FAM13A: variants seen among roughly 807,000 people sequenced by gnomAD.
FAM13A encodes family with sequence similarity 13 member A, also known as protein FAM13A.
A neutral mutation model predicts 129.6 loss-of-function variants in FAM13A; 76 were observed. The observed-to-expected ratio is 0.59, with a 90% CI of 0.49 to 0.71. The LOEUF is 0.71. Among genes scored for constraint, FAM13A ranks in the 30% least tolerant of loss-of-function variants. The probability of loss-of-function intolerance (pLI) is 0.00; values close to 1 mark genes in which losing one functional copy is unlikely to be tolerated. For missense variants in FAM13A, 1,108 were observed against 1,249.3 expected (o/e 0.89, Z 1.70); for synonymous variants, 443 against 449.9 (o/e 0.98, Z 0.20).
intron 3 of FAM13A, among the ~76,000 whole-genome samples, chr4:89,004,139 T>G (rs561886458): frequency 1.3e-3 from 205 of 152,150 alleles, no homozygotes; most frequent in African/African-American, 4.7e-3. Flanking sequence ...TCTGCTGGTT[T>G]TTTCTTTTCT....
Position 88,762,278 on chromosome 4 carries a change from C to T in FAM13A, c.1579-3377G>A, listed in dbSNP as rs1349383519. ...GATGTGTCATATATAATGAGGCATT[C>T]GGTCATTCACATCATAGACCTGTGT... On this transcript the variant is annotated intron_variant, in intron 13 of 23. Transcript: ENST00000264344. Among the ~76,000 whole-genome samples the T allele has an allele frequency of 6.6e-5, 10 of 152,148 alleles. 1 individual carries two copies. The highest frequency in any genetic ancestry group is 6.2e-4 in the South Asian group (3 of 4,824).
chr4:88,869,840 C>T (rs146186515), intron 6 of FAM13A, among the ~76,000 whole-genome samples: 1 of 152,258 alleles, frequency 6.6e-6, no homozygotes, highest in East Asian at 1.9e-4. Flanking sequence ...TCAAAACAGA[C>T]ATGACTGCAT....
rs369276241 is a variant in FAM13A at position 88,902,556 on chromosome 4, A to G, written c.843+3823T>C. Among the ~76,000 whole-genome samples, 21 of 152,306 alleles carry G rather than the reference A, an allele frequency of 1.4e-4. No homozygotes were observed. In the East Asian group the frequency reaches 3.9e-3, roughly 28 times the overall value. On this transcript the variant is annotated intron_variant, in intron 6 of 23. Transcript: ENST00000264344. Reference sequence around the variant, plus strand: ...CAGAAGGGGCCTTTGATAAAATTCAACATACTTCATGTTAAAAACTTTGAA... The same window carrying G: ...CAGAAGGGGCCTTTGATAAAATTCAGCATACTTCATGTTAAAAACTTTGAA...
intron 6 of FAM13A, among the ~76,000 whole-genome samples, chr4:88,857,169 T>G (rs553693900): frequency 2.6e-5 from 4 of 152,318 alleles, no homozygotes; most frequent in African/African-American, 9.6e-5. Context: ...ATGCTTATCT[T>G]TTTTTGTAAT....
At chr4:88,998,181 C>G (rs1250262695) in intron 3 of FAM13A, among the ~76,000 whole-genome samples, 1 of 152,104 alleles carries the variant, frequency 6.6e-6, no homozygotes, top group African/African-American at 2.4e-5. Context: ...CCAGTTGAGC[C>G]CACACACTTC....
At position 88,750,450 on chromosome 4, in the gene FAM13A, G is replaced by T. The variant is rs749148973; in HGVS notation, c.1914C>A (p.Ser638=). ...QYLDDTEVPP[S]PPNSHSFMRR... is the part of the protein sequence containing the mutation. ...TCATGAAAGAATGGGAGTTTGGTGG[G>T]GAAGGAGGCACTTCTGTGTCATCCA... Residue 638 remains serine (S), a synonymous_variant, in exon 15 of 24, where the codon TCC becomes TCA. Coordinates refer to ENST00000264344, the MANE Select transcript of FAM13A (RefSeq NM_014883.4). 2.3e-5 allele frequency: 37 copies of T among 1,613,930 alleles called. No homozygotes were observed. The highest frequency in any genetic ancestry group is 2.9e-5 in the Non-Finnish European group (34 of 1,179,942).
At chr4:88,781,838 TGTG>T (rs1722941274) in intron 10 of FAM13A, among the ~76,000 whole-genome samples, 1 of 149,136 alleles carries the variant, frequency 6.7e-6, no homozygotes, top group African/African-American at 2.4e-5. Flanking sequence ...CGGAGACTGT[TGTG>T]GGGTGGGGGG....
chr4:89,050,942 C>T (rs1771514114), intron 1 of FAM13A, among the ~76,000 whole-genome samples: 1 of 151,916 alleles, frequency 6.6e-6, no homozygotes, highest in Non-Finnish European at 1.5e-5. Flanking sequence ...AAAAAAAGAA[C>T]TACAAAGATA....
intron 5 of FAM13A, among the ~76,000 whole-genome samples, chr4:88,931,694 T>G (rs1490465399): frequency 3.3e-5 from 5 of 152,214 alleles, no homozygotes; most frequent in African/African-American, 1.2e-4. Flanking sequence ...TAAAAATACA[T>G]CATTTAACTT....
intron 3 of FAM13A, among the ~76,000 whole-genome samples, chr4:89,019,265 G>A (rs1302164207): frequency 6.6e-6 from 1 of 152,134 alleles, no homozygotes; most frequent in East Asian, 1.9e-4. Context: ...CATGTGAATA[G>A]GTACACCACT....
chr4:88,876,148 G>C (rs1038223300), intron 6 of FAM13A, among the ~76,000 whole-genome samples: 2 of 150,792 alleles, frequency 1.3e-5, no homozygotes, highest in African/African-American at 5.0e-5. Context: ...TCCTGGGATG[G>C]GGGGCTGGGG....
chr4:88,840,697 A>T (rs1735665092), intron 7 of FAM13A, among the ~76,000 whole-genome samples: 1 of 152,218 alleles, frequency 6.6e-6, no homozygotes, highest in Non-Finnish European at 1.5e-5. Flanking sequence ...CTTGAAAAAA[A>T]ATAGAAACCT....
intron 17 of FAM13A, 101 bp from the exon 18 acceptor site, chr4:88,747,952 C>T (rs1034824331): frequency 2.4e-5 from 19 of 795,118 alleles, no homozygotes; most frequent in Middle Eastern, 3.8e-4. Flanking sequence ...TGCAGTGGCA[C>T]GATCTCGGCT....
rs200556852 is a variant in FAM13A at position 88,927,200 on chromosome 4, TA to T, written c.759+10887del. ...TCTTGTTTAAATATATTCCTATGTATATTTTTTTTTTTGTATAGCTAGTAGT... is the reference window on the plus strand; with the variant it reads ...TCTTGTTTAAATATATTCCTATGTATTTTTTTTTTTTGTATAGCTAGTAGT... On this transcript the variant is annotated intron_variant, in intron 5 of 23. Coordinates refer to ENST00000264344, the MANE Select transcript of FAM13A (RefSeq NM_014883.4). Among the ~76,000 whole-genome samples the T allele has an allele frequency of 6.7e-3, 1,015 of 151,362 alleles. 6 individuals are homozygous for T. Among genetic ancestry groups the T allele is most frequent in the Non-Finnish European group, 0.011 (759 of 67,770 alleles).
intron 1 of FAM13A, among the ~76,000 whole-genome samples, chr4:89,054,918 A>G (rs1257287655): frequency 2.0e-5 from 3 of 152,156 alleles, no homozygotes; most frequent in Admixed American, 6.6e-5. Flanking sequence ...TTTAAAAATT[A>G]TTTACTACCT....
chr4:88,750,633 A>G lies in FAM13A; in HGVS notation c.1731T>C (p.Pro577=). 6.2e-7 allele frequency: 1 copy of G among 1,603,806 alleles called. No individual in the cohort carries two copies. Among genetic ancestry groups the G allele is most frequent in the East Asian group, 2.3e-5 (1 of 44,438 alleles). ...ALCDEKNWEE[P]IPAFSSWQRE... ...GCTGCCAGGAGGAGAAAGCAGGGATAGGCTCTGGAAGATAAGGGCAGTAAG... is the reference window on the plus strand; with the variant it reads ...GCTGCCAGGAGGAGAAAGCAGGGATGGGCTCTGGAAGATAAGGGCAGTAAG... Residue 577 remains proline (P), a synonymous_variant, in exon 15 of 24, where the codon CCT becomes CCC. Transcript: ENST00000264344.
intron 14 of FAM13A, among the ~76,000 whole-genome samples, chr4:88,757,411 G>C (rs1417919631): frequency 1.3e-5 from 2 of 151,934 alleles, no homozygotes; most frequent in Non-Finnish European, 2.9e-5. Flanking sequence ...CTTTTATTTG[G>C]GTAACAGTGA....
chr4:88,752,414 A>T (rs1250601256), intron 14 of FAM13A, among the ~76,000 whole-genome samples: 1 of 152,204 alleles, frequency 6.6e-6, no homozygotes, highest in Admixed American at 6.5e-5. Context: ...AAGCACATTA[A>T]TTTAAAAAAT....
intron 8 of FAM13A, among the ~76,000 whole-genome samples, chr4:88,799,331 C>G (rs1726935603): frequency 6.6e-6 from 1 of 152,128 alleles, no homozygotes; most frequent in Admixed American, 6.5e-5. Context: ...ATTAGAAAAA[C>G]AAAATACCAA....
Sources: allele counts gnomAD v4.1 joint callset (sites outside exome capture counted in the v4.1 genomes callset), GRCh38; gene constraint gnomAD v4.1.1; transcripts MANE v1.5; gene names NCBI Gene and HGNC (gene_info 2026-07-23, HGNC 2026-07-21).